The following IRAG1 variants were observed in gnomAD, a reference collection of about 807,000 sequenced individuals.
The protein encoded by IRAG1 is inositol 1,4,5-triphosphate receptor associated 1.
A neutral mutation model predicts 106.2 loss-of-function variants in IRAG1; 62 were observed. The ratio of observed to expected loss-of-function variants is 0.58; its 90% CI spans 0.48 to 0.72. The LOEUF is 0.72. IRAG1 is among the 30% of genes least tolerant of loss of function. The pLI is 0.00. For missense variants in IRAG1, 1,064 were observed against 1,140.7 expected (o/e 0.93, Z 0.97); for synonymous variants, 462 against 443.9 (o/e 1.04, Z -0.51).
chr11:10,658,211 C>T (rs572191071), intron 1 of IRAG1, among the ~76,000 whole-genome samples: 2 of 152,312 alleles, frequency 1.3e-5, no homozygotes, highest in South Asian at 2.1e-4. Context: ...ACAAGTGAGC[C>T]GGATGGGAAG....
chr11:10,678,400 C>G (rs1860878387), intron 1 of IRAG1, among the ~76,000 whole-genome samples: 1 of 152,144 alleles, frequency 6.6e-6, no homozygotes, highest in Admixed American at 6.6e-5. Context: ...TGCCCTCTTG[C>G]TGTTTAGAGC....
Position 10,668,795 on chromosome 11 carries a change from C to T in IRAG1, c.68-16613G>A, listed in dbSNP as rs188258888. Among the ~76,000 whole-genome samples, 122 of 152,290 alleles carry T rather than the reference C, an allele frequency of 8.0e-4. 1 individual carries two copies. Among genetic ancestry groups the T allele is most frequent in the African/African-American group, 2.7e-3 (114 of 41,552 alleles). On this transcript the variant is annotated intron_variant, in intron 1 of 20. Coordinates refer to ENST00000423302, the MANE Select transcript of IRAG1 (RefSeq NM_130385.4). Reference sequence around the variant, plus strand: ...TCTAACATTTGGTATATAATTAGGGCTTGGTATATGTTAAATTGAAGTGAA... The same window carrying T: ...TCTAACATTTGGTATATAATTAGGGTTTGGTATATGTTAAATTGAAGTGAA...
intron 18 of IRAG1, among the ~76,000 whole-genome samples, chr11:10,584,546 GAAATATATAT>G (rs1274971089): frequency 1.2e-4 from 7 of 59,748 alleles, no homozygotes; most frequent in Admixed American, 2.6e-4. Flanking sequence ...ATTCTTTCAT[GAAATATATAT>G]ATATATATAT....
At chr11:10,633,276 T>C (rs138173548) in intron 3 of IRAG1, among the ~76,000 whole-genome samples, 4,460 of 152,172 alleles carry the variant, frequency 0.029, 92 homozygotes, top group African/African-American at 0.055. Flanking sequence ...GTGGTTTCAC[T>C]GTGTTAGCCA....
intron 2 of IRAG1, among the ~76,000 whole-genome samples, chr11:10,640,997 A>G (rs1273259480): frequency 1.3e-5 from 2 of 152,230 alleles, no homozygotes; most frequent in Non-Finnish European, 2.9e-5. Flanking sequence ...TGTACAACAG[A>G]TAATTTTTAG....
intron 10 of IRAG1, among the ~76,000 whole-genome samples, chr11:10,622,896 C>T (rs191702175): frequency 6.6e-6 from 1 of 151,962 alleles, no homozygotes; most frequent in Non-Finnish European, 1.5e-5. Context: ...CACACACACA[C>T]ACACACTCCT....
At chr11:10,590,732 G>A (rs1472787704) in intron 18 of IRAG1, among the ~76,000 whole-genome samples, 4 of 152,212 alleles carry the variant, frequency 2.6e-5, no homozygotes, top group African/African-American at 7.2e-5. Flanking sequence ...TACTCTGGCT[G>A]AGGATGAAAA....
Position 10,576,291 on chromosome 11 carries a change from TGA to T in IRAG1, c.*39_*40del, listed in dbSNP as rs774899430. ...TATACTTGGGGAAAGGGTGGTAGTCTGAGTGTCTCAGAGCAGGGCACTGGCTA... is the reference window on the plus strand; with the variant it reads ...TATACTTGGGGAAAGGGTGGTAGTCTGTGTCTCAGAGCAGGGCACTGGCTA... On this transcript the variant is annotated 3_prime_UTR_variant, in exon 21 of 21. Coordinates refer to ENST00000423302, the MANE Select transcript of IRAG1 (RefSeq NM_130385.4). The T allele has an allele frequency of 1.9e-5, 31 of 1,608,622 alleles. No individual in the cohort carries two copies. Among genetic ancestry groups the T allele is most frequent in the Non-Finnish European group, 2.6e-5 (31 of 1,176,866 alleles).
intron 4 of IRAG1, chr11:10,630,175 A>G (rs1856578591): frequency 1.3e-5 from 2 of 154,418 alleles, no homozygotes. Flanking sequence ...ATTTTTCTCC[A>G]AAACTGCCCC....
At chr11:10,677,216 C>T (rs1860753358) in intron 1 of IRAG1, among the ~76,000 whole-genome samples, 1 of 152,168 alleles carries the variant, frequency 6.6e-6, no homozygotes, top group Admixed American at 6.6e-5. Context: ...CTGGGAAGTT[C>T]CTCACTTCTT....
intron 2 of IRAG1, among the ~76,000 whole-genome samples, chr11:10,636,051 C>A (rs1857123986): frequency 6.6e-6 from 1 of 152,136 alleles, no homozygotes; most frequent in East Asian, 1.9e-4. Context: ...GTCAGACAAA[C>A]CTGGGCTCAA....
intron 2 of IRAG1, among the ~76,000 whole-genome samples, chr11:10,644,665 A>G (rs1857799922): frequency 6.6e-6 from 1 of 152,208 alleles, no homozygotes; most frequent in African/African-American, 2.4e-5. Flanking sequence ...GAGGGTTCTC[A>G]CTGGGGAAGC....
intron 4 of IRAG1, among the ~76,000 whole-genome samples, chr11:10,631,311 C>T (rs1177265741): frequency 6.6e-6 from 1 of 152,180 alleles, no homozygotes; most frequent in East Asian, 1.9e-4. Flanking sequence ...GGTTCCTGCT[C>T]TTTCAGTGTG....
intron 1 of IRAG1, among the ~76,000 whole-genome samples, chr11:10,681,492 C>T (rs958757611): frequency 5.3e-5 from 8 of 152,200 alleles, no homozygotes; most frequent in Non-Finnish European, 2.9e-5. Flanking sequence ...ACTCTTCAAA[C>T]ACACCTGCAG....
intron 2 of IRAG1, among the ~76,000 whole-genome samples, chr11:10,643,362 T>G (rs7124011): frequency 0.99 from 150,676 of 152,168 alleles, 74,606 homozygotes; most frequent in East Asian, 1. Context: ...CCCGGTGTCT[T>G]CCCTATAGGC....
In IRAG1 at chr11:10,625,998, C is replaced by T. The variant is rs376913771; in HGVS notation, c.1336G>A (p.Val446Met). 95 of 1,495,322 alleles carry T rather than the reference C, an allele frequency of 6.4e-5. No individual in the cohort carries two copies. Among genetic ancestry groups the T allele is most frequent in the African/African-American group, 3.5e-4 (25 of 71,218 alleles). 92.6% of individuals were successfully genotyped at this position (1,495,322 alleles called of 1,614,324 possible). ...AGCTTGGTCAGTTTCTGCATCCGCACGGGCTGCACTTGTATCTGAAAGTCT... is the reference window on the plus strand; with the variant it reads ...AGCTTGGTCAGTTTCTGCATCCGCATGGGCTGCACTTGTATCTGAAAGTCT... ...LKDFQIQVQP[V>M]RMQKLTKLRE... Residue 446 changes from valine to methionine, a missense_variant, in exon 9 of 21, where the codon GTG becomes ATG. Transcript: ENST00000423302.
intron 13 of IRAG1, 28 bp from the exon 14 acceptor site, chr11:10,603,279 G>T: frequency 6.2e-7 from 1 of 1,610,754 alleles, no homozygotes; most frequent in Non-Finnish European, 8.5e-7. Context: ...CATCACCTGG[G>T]GTCCTCAAAT....
chr11:10,662,318 T>C (rs186703706), intron 1 of IRAG1, among the ~76,000 whole-genome samples: 4 of 152,292 alleles, frequency 2.6e-5, no homozygotes, highest in Admixed American at 6.5e-5. Context: ...CTCATTCTCA[T>C]TGAGCTTCCC....
chr11:10,635,172 C>G (rs1857054087), intron 2 of IRAG1, among the ~76,000 whole-genome samples: 1 of 152,224 alleles, frequency 6.6e-6, no homozygotes, highest in Admixed American at 6.5e-5. Context: ...CTTTGGGTAA[C>G]TTTGACATTT....
Sources: gnomAD v4.1 joint callset for allele counts (sites outside exome capture counted in the v4.1 genomes callset) on GRCh38, gnomAD v4.1.1 for gene constraint, MANE v1.5 for transcripts, NCBI Gene and HGNC (gene_info 2026-07-23, HGNC 2026-07-21) for gene names.